PRH1: variants seen among roughly 807,000 people sequenced by gnomAD.
PRH1 encodes proline rich protein HaeIII subfamily 1.
In PRH1, 7 loss-of-function variants were observed where a neutral mutation model predicts 7.9. That is an observed-to-expected ratio of 0.89 (90% CI 0.50 to 1.67). The LOEUF is 1.67. Among genes scored for constraint, PRH1 ranks in the 40% most tolerant of loss-of-function variants. The pLI, the probability that PRH1 is intolerant of heterozygous loss-of-function variation, is 0.00. For synonymous variants in PRH1, 45 were observed against 80.8 expected (o/e 0.56, Z 2.38); for missense variants, 109 against 223.6 (o/e 0.49, Z 3.27).
At chr12:10,946,241 A>T (rs529184822) in intron 2 of PRH1, among the ~76,000 whole-genome samples, 59 of 152,258 alleles carry the variant, frequency 3.9e-4, no homozygotes, top group Non-Finnish European at 7.1e-4. Flanking sequence ...CAGTAAAGAC[A>T]GGCATAAGAA....
At chr12:11,128,394 T>C (rs1047914564) in intron 1 of PRH1, among the ~76,000 whole-genome samples, 2 of 152,106 alleles carry the variant, frequency 1.3e-5, no homozygotes, top group Non-Finnish European at 2.9e-5. Flanking sequence ...TCATATTCCC[T>C]GCTTGGTATA....
At chr12:11,104,307 C>T (rs976055020) in intron 1 of PRH1, among the ~76,000 whole-genome samples, 1 of 150,444 alleles carries the variant, frequency 6.6e-6, no homozygotes, top group African/African-American at 2.4e-5. Context: ...GATGATCACT[C>T]ATATGATGAT....
At chr12:10,897,273 G>T (rs1421710191) in intron 2 of PRH1, among the ~76,000 whole-genome samples, 1 of 152,132 alleles carries the variant, frequency 6.6e-6, no homozygotes, top group Non-Finnish European at 1.5e-5. Context: ...ATGCTCACTA[G>T]CCACGTGTGA....
rs560410416 is a variant in PRH1, at chr12:11,021,344, C to T, written c.-126+25676G>A. 2.0e-4 allele frequency among the ~76,000 whole-genome samples: 27 copies of T among 132,200 alleles called. No individual in the cohort carries two copies. The South Asian group carries it at 2.6e-3, about 13-fold the overall frequency. 86.7% of individuals were successfully genotyped at this position (132,200 alleles called of 152,430 possible). On this transcript the variant is annotated intron_variant, in intron 1 of 3. Transcript: ENST00000539853. Reference sequence around the variant, plus strand: ...AAATGATTTCTTCATAAAAGCTGTACGTTCTTAATTATAAAGAGAGATAAT... The same window carrying T: ...AAATGATTTCTTCATAAAAGCTGTATGTTCTTAATTATAAAGAGAGATAAT...
At chr12:10,929,496 C>T (rs1950171917) in intron 2 of PRH1, among the ~76,000 whole-genome samples, 1 of 152,096 alleles carries the variant, frequency 6.6e-6, no homozygotes, top group African/African-American at 2.4e-5. Flanking sequence ...CTTCATTCCT[C>T]ATCAAGACCT....
upstream of PRH1, among the ~76,000 whole-genome samples, chr12:11,048,077 T>A (rs933345552): frequency 2.6e-5 from 4 of 152,180 alleles, no homozygotes; most frequent in Middle Eastern, 3.4e-3. Context: ...ATGTGAAATA[T>A]ACTCGGCTTC....
At chr12:10,992,855 A>G (rs1940008263) in intron 1 of PRH1, among the ~76,000 whole-genome samples, 1 of 152,204 alleles carries the variant, frequency 6.6e-6, no homozygotes, top group African/African-American at 2.4e-5. Flanking sequence ...CAGAACTCTC[A>G]CATTGCTTCC....
At chr12:10,996,487 C>T (rs141958198) in intron 1 of PRH1, 181 of 152,452 alleles carry the variant, frequency 1.2e-3, no homozygotes, top group Middle Eastern at 6.8e-3. Context: ...GGTACATATA[C>T]GTGATACAAA....
At chr12:11,130,912 C>T (rs1946322168) in intron 1 of PRH1, among the ~76,000 whole-genome samples, 1 of 145,220 alleles carries the variant, frequency 6.9e-6, no homozygotes, top group Non-Finnish European at 1.5e-5. Context: ...GTCTCAGTGG[C>T]ACAAGGAGTG....
intron 2 of PRH1, among the ~76,000 whole-genome samples, chr12:10,957,795 C>A (rs1211070990): frequency 6.6e-6 from 1 of 152,012 alleles, no homozygotes; most frequent in Non-Finnish European, 1.5e-5. Flanking sequence ...ACTCAGCCAA[C>A]AAACATATGA....
At chr12:10,932,833 TG>T (rs1005911847) in intron 2 of PRH1, among the ~76,000 whole-genome samples, 31 of 152,280 alleles carry the variant, frequency 2.0e-4, no homozygotes, top group African/African-American at 6.7e-4. Context: ...TGAAAATTGA[TG>T]TGACTTGATT....
chr12:11,123,720 A>G (rs1266303552), intron 1 of PRH1, among the ~76,000 whole-genome samples: 1 of 150,662 alleles, frequency 6.6e-6, no homozygotes, highest in African/African-American at 2.4e-5. Flanking sequence ...TATATTTTCC[A>G]TCTTTCTCTC....
chr12:11,067,383 T>C (rs867026832), intron 1 of PRH1, among the ~76,000 whole-genome samples: 2 of 152,184 alleles, frequency 1.3e-5, no homozygotes, highest in Non-Finnish European at 2.9e-5. Flanking sequence ...TACTATAATT[T>C]ATTGGAAATT....
At chr12:11,060,066 T>A (rs1160807090) in intron 1 of PRH1, among the ~76,000 whole-genome samples, 5 of 151,948 alleles carry the variant, frequency 3.3e-5, no homozygotes, top group Admixed American at 1.3e-4. Context: ...TACATGATTT[T>A]AAAAAAACAC....
At chr12:10,962,487 C>T (rs1051098739) in intron 2 of PRH1, among the ~76,000 whole-genome samples, 6 of 152,112 alleles carry the variant, frequency 3.9e-5, no homozygotes, top group Non-Finnish European at 5.9e-5. Context: ...CTATATATAG[C>T]GATATTTCCC....
At chr12:10,972,804 C>G (rs901810663) in intron 2 of PRH1, among the ~76,000 whole-genome samples, 2 of 152,146 alleles carry the variant, frequency 1.3e-5, no homozygotes, top group Non-Finnish European at 2.9e-5. Context: ...CTTTTCCTAT[C>G]AAATGCATTC....
In PRH1 at chr12:10,975,397, C is replaced by T. The variant is rs545315817; in HGVS notation, c.-125-1676G>A. Among the ~76,000 whole-genome samples, 4 of 152,214 alleles carry T rather than the reference C, an allele frequency of 2.6e-5. No homozygotes were observed. In the South Asian group the frequency reaches 6.2e-4, roughly 24 times the overall value. On this transcript the variant is annotated intron_variant, in intron 1 of 3. Transcript: ENST00000539853. ...GCTAAGGGATTTCATTACCACCAGC[C>T]GTGCCTCACAAGGGGTCCTGAAGGG... is the stretch of plus-strand genomic sequence containing the variant.
chr12:11,018,892 G>A (rs1225983453), intron 1 of PRH1, among the ~76,000 whole-genome samples: 2 of 152,274 alleles, frequency 1.3e-5, no homozygotes, highest in Admixed American at 6.5e-5. Flanking sequence ...AGATGAACTC[G>A]CCCGAAGGGA....
At chr12:10,968,203 C>T (rs1472824826) in intron 2 of PRH1, among the ~76,000 whole-genome samples, 1 of 152,086 alleles carries the variant, frequency 6.6e-6, no homozygotes, top group Non-Finnish European at 1.5e-5. Flanking sequence ...TTATAGTGTT[C>T]CTTGGATTAG....
Sources: allele counts gnomAD v4.1 joint callset (sites outside exome capture counted in the v4.1 genomes callset), GRCh38; gene constraint gnomAD v4.1.1; transcripts MANE v1.5; gene names NCBI Gene and HGNC (gene_info 2026-07-23, HGNC 2026-07-21).